Variants in CHN1 observed in about 807,000 individuals in gnomAD.
CHN1 encodes the protein N-chimaerin.
A neutral mutation model predicts 59.5 loss-of-function variants in CHN1; 37 were observed. That is an observed-to-expected ratio of 0.62 (90% confidence interval 0.48 to 0.82). CHN1 has a LOEUF of 0.82. Ranked by LOEUF, CHN1 falls within the 40% of genes least tolerant of loss-of-function variation. The probability of loss-of-function intolerance (pLI) is 0.00; values close to 1 mark genes in which losing one functional copy is unlikely to be tolerated. For missense variants in CHN1, 469 were observed against 571.0 expected (o/e 0.82, Z 1.82); for synonymous variants, 206 against 200.4 (o/e 1.03, Z -0.24).
intron 1 of CHN1, among the ~76,000 whole-genome samples, chr2:174,954,673 G>T (rs1159104263): frequency 6.6e-6 from 1 of 152,026 alleles, no homozygotes; most frequent in African/African-American, 2.4e-5. Context: ...TATACAAATA[G>T]TCAACAAACA....
rs148067895 is a variant in CHN1 at position 174,853,074 on chromosome 2, A to G, written c.550-6117T>C. On this transcript the variant is annotated intron_variant, in intron 6 of 12. Transcript: ENST00000409900. ...TGTAATCCCTAAAAGCAACTGCAAC[A>G]AAAACAAAAATGGACAAGTGGGCCT... is the stretch of plus-strand genomic sequence containing the variant. 4.5e-3 allele frequency among the ~76,000 whole-genome samples: 679 copies of G among 152,316 alleles called. 6 individuals are homozygous for G. Among genetic ancestry groups the G allele is most frequent in the African/African-American group, 0.015 (639 of 41,570 alleles).
intron 3 of CHN1, among the ~76,000 whole-genome samples, chr2:174,932,609 G>A (rs1689383394): frequency 6.6e-6 from 1 of 152,150 alleles, no homozygotes; most frequent in Admixed American, 6.5e-5. Context: ...CCACCCAAAT[G>A]TCATGTTGAA....
chr2:174,980,766 C>T (rs1559008313), intron 1 of CHN1, among the ~76,000 whole-genome samples: 1 of 151,188 alleles, frequency 6.6e-6, no homozygotes, highest in East Asian at 2.0e-4. Context: ...GCAAATGAAT[C>T]TAAACTATGA....
chr2:174,970,264 G>C (rs910543658), intron 1 of CHN1, among the ~76,000 whole-genome samples: 1 of 152,202 alleles, frequency 6.6e-6, no homozygotes, highest in African/African-American at 2.4e-5. Flanking sequence ...TGAGGTCATT[G>C]GGGTTGTGAG....
intron 11 of CHN1, among the ~76,000 whole-genome samples, chr2:174,807,690 C>G (rs1684943658): frequency 6.6e-6 from 1 of 152,100 alleles, no homozygotes. Context: ...GTAATTCTCA[C>G]AGCTGTTCTC....
intron 6 of CHN1, among the ~76,000 whole-genome samples, chr2:174,869,935 G>T (rs912275987): frequency 2.6e-5 from 4 of 152,124 alleles, no homozygotes; most frequent in Admixed American, 6.5e-5. Flanking sequence ...TTGCATAAAA[G>T]CCCCTGTTTT....
chr2:174,848,737 T>C (rs1281357178), intron 6 of CHN1, among the ~76,000 whole-genome samples: 1 of 152,178 alleles, frequency 6.6e-6, no homozygotes, highest in Non-Finnish European at 1.5e-5. Context: ...TTTTGTTTAC[T>C]TCAGTCTTTA....
intron 7 of CHN1, among the ~76,000 whole-genome samples, chr2:174,824,896 C>A (rs1358390131): frequency 6.6e-6 from 1 of 152,186 alleles, no homozygotes; most frequent in Non-Finnish European, 1.5e-5. Flanking sequence ...AGGTGTGAGC[C>A]ACTGCACCCA....
intron 5 of CHN1, among the ~76,000 whole-genome samples, chr2:174,905,347 G>A (rs918517274): frequency 2.0e-5 from 3 of 152,104 alleles, no homozygotes; most frequent in African/African-American, 4.8e-5. Context: ...GCCCCAAAAT[G>A]TACTTGAAAC....
intron 7 of CHN1, among the ~76,000 whole-genome samples, chr2:174,833,975 TTTC>T (rs905876749): frequency 6.6e-5 from 10 of 152,046 alleles, no homozygotes; most frequent in Non-Finnish European, 1.3e-4. Flanking sequence ...CTCTTTCTCT[TTTC>T]TTTTCTAAAT....
chr2:174,945,506 C>T (rs1689801022), intron 2 of CHN1, among the ~76,000 whole-genome samples: 1 of 152,062 alleles, frequency 6.6e-6, no homozygotes, highest in Admixed American at 6.6e-5. Flanking sequence ...ATTCAAATAA[C>T]TTGCCAAAAG....
At chr2:174,997,568 A>C (rs1691746683) in intron 1 of CHN1, among the ~76,000 whole-genome samples, 1 of 152,196 alleles carries the variant, frequency 6.6e-6, no homozygotes, top group Non-Finnish European at 1.5e-5. Context: ...GGTCTGCAGG[A>C]AAAAATATTT....
chr2:174,998,738 G>C (rs1394314942), intron 1 of CHN1, among the ~76,000 whole-genome samples: 2 of 152,002 alleles, frequency 1.3e-5, no homozygotes, highest in African/African-American at 4.8e-5. Flanking sequence ...AAACAGGTAG[G>C]AACATTTTTA....
At chr2:174,822,724 C>T (rs754874192) in intron 8 of CHN1, among the ~76,000 whole-genome samples, 1 of 152,226 alleles carries the variant, frequency 6.6e-6, no homozygotes, top group African/African-American at 2.4e-5. Flanking sequence ...TCAATACCTC[C>T]ACTTTATCAA....
intron 7 of CHN1, among the ~76,000 whole-genome samples, chr2:174,825,771 G>A (rs1685662904): frequency 6.6e-6 from 1 of 152,136 alleles, no homozygotes; most frequent in Non-Finnish European, 1.5e-5. Flanking sequence ...TATTGACTAA[G>A]TCTTAGAAAC....
At chr2:174,983,922 T>C (rs1378820573) in intron 1 of CHN1, among the ~76,000 whole-genome samples, 1 of 152,196 alleles carries the variant, frequency 6.6e-6, no homozygotes, top group African/African-American at 2.4e-5. Flanking sequence ...CATGTCTACA[T>C]TTTCACAAGA....
intron 11 of CHN1, among the ~76,000 whole-genome samples, chr2:174,807,446 CTGTGTGTGTGTGTGTGTGTGTGTGTGTG>C (rs71031071): frequency 1.2e-3 from 99 of 83,844 alleles, no homozygotes; most frequent in East Asian, 7.3e-3. Flanking sequence ...CACGGGCTAT[CTGTGTGTGTGTGTGTGTGTGTGTGTGTG>C]TGTGTGTGTG....
chr2:174,845,897 G>A (rs1686494736), intron 7 of CHN1, among the ~76,000 whole-genome samples: 2 of 152,004 alleles, frequency 1.3e-5, no homozygotes, highest in South Asian at 2.1e-4. Flanking sequence ...TGCATTATAG[G>A]TGCTGAATAA....
At chr2:174,999,532 T>C (rs1691816760) in intron 1 of CHN1, among the ~76,000 whole-genome samples, 1 of 152,240 alleles carries the variant, frequency 6.6e-6, no homozygotes, top group Non-Finnish European at 1.5e-5. Flanking sequence ...CTTATTATAC[T>C]AATGTCATTC....
Sources: allele counts gnomAD v4.1 joint callset (sites outside exome capture counted in the v4.1 genomes callset), GRCh38; gene constraint gnomAD v4.1.1; transcripts MANE v1.5; gene names NCBI Gene and HGNC (gene_info 2026-07-23, HGNC 2026-07-21).